The following FAM107B variants were observed in gnomAD, a reference collection of about 807,000 sequenced individuals.
The protein encoded by FAM107B is family with sequence similarity 107 member B.
Under a neutral mutation model 31.5 loss-of-function variants are expected in FAM107B, and 21 were observed. That is an observed-to-expected ratio of 0.67 (90% CI 0.47 to 0.96). FAM107B has a LOEUF of 0.96. FAM107B is among the 40% of genes least tolerant of loss of function. The pLI is 0.00. For synonymous variants in FAM107B, 157 were observed against 141.5 expected, an observed-to-expected ratio of 1.11 and a Z score of -0.78; for missense variants, 452 against 377.1, an observed-to-expected ratio of 1.20 and a Z score of -1.64.
At chr10:14,604,554 G>A (rs1248398082) in intron 2 of FAM107B, 1 of 151,688 alleles carries the variant, frequency 6.6e-6, no homozygotes, top group Non-Finnish European at 1.5e-5. Context: ...GAAAGGCCGG[G>A]CATCCGCGCC....
intron 1 of FAM107B, among the ~76,000 whole-genome samples, chr10:14,765,766 T>C (rs1046619806): frequency 6.6e-6 from 1 of 152,200 alleles, no homozygotes; most frequent in African/African-American, 2.4e-5. Context: ...AGGGCATTTG[T>C]TTTTGTAGGT....
At chr10:14,534,582 C>A (rs1035830216) in intron 2 of FAM107B, among the ~76,000 whole-genome samples, 18 of 152,190 alleles carry the variant, frequency 1.2e-4, no homozygotes, top group African/African-American at 4.3e-4. Context: ...CGCCTTCCCT[C>A]CACCAGCATG....
chr10:14,556,587 A>C (rs1849720412), intron 2 of FAM107B, among the ~76,000 whole-genome samples: 1 of 152,192 alleles, frequency 6.6e-6, no homozygotes, highest in Admixed American at 6.5e-5. Flanking sequence ...CTCACTTGAG[A>C]TCTCCCTGGT....
chr10:14,572,739 T>TTTA lies in FAM107B; in HGVS notation c.470-42225_470-42224insTAA, dbSNP rs1325278545. The stretch of plus-strand genomic sequence containing the variant: ...CATCTCTTCAAAAAAAAAAAAAAAT[T>TTTA]TATATATATATATATATATATTAGA... On this transcript the variant is annotated intron_variant, in intron 2 of 4. Coordinates refer to ENST00000181796, the MANE Select transcript of FAM107B (RefSeq NM_031453.4). 5.3e-4 allele frequency among the ~76,000 whole-genome samples: 49 copies of TTTA among 91,988 alleles called. 1 individual carries two copies. Among genetic ancestry groups the TTTA allele is most frequent in the Admixed American group, 9.8e-4 (8 of 8,176 alleles). 60.3% of individuals were successfully genotyped at this position (91,988 alleles called of 152,430 possible). A position where few individuals can be genotyped will look rare whatever the true frequency, so the allele number is the denominator to read the frequency against.
At chr10:14,673,476 T>C (rs928124650) in intron 1 of FAM107B, among the ~76,000 whole-genome samples, 10 of 152,264 alleles carry the variant, frequency 6.6e-5, no homozygotes, top group African/African-American at 2.4e-4. Flanking sequence ...TTATTCTTTT[T>C]TTAAATGTCT....
intron 1 of FAM107B, among the ~76,000 whole-genome samples, chr10:14,727,384 G>A (rs147101848): frequency 1.9e-3 from 288 of 152,256 alleles, no homozygotes; most frequent in African/African-American, 6.5e-3. Flanking sequence ...CCTGAGCCAC[G>A]TCTCTTAGAT....
rs1851314391 is a variant in FAM107B, at chr10:14,572,739, T to TTATATATATATATATATATGTA, written c.470-42225_470-42224insTACATATATATATATATATATA. On this transcript the variant is annotated intron_variant, in intron 2 of 4. Coordinates refer to ENST00000181796, the MANE Select transcript of FAM107B (RefSeq NM_031453.4). ...CATCTCTTCAAAAAAAAAAAAAAAT[T>TTATATATATATATATATATGTA]TATATATATATATATATATATTAGA... 5.4e-5 allele frequency among the ~76,000 whole-genome samples: 5 copies of TTATATATATATATATATATGTA among 92,004 alleles called. No homozygotes were observed. The South Asian group carries it at 1.1e-3, about 21-fold the overall frequency. The allele number at this position is 92,004 out of a possible 152,430, so 60.4% of individuals were successfully genotyped here.
chr10:14,731,973 A>G (rs957554331), intron 1 of FAM107B, among the ~76,000 whole-genome samples: 14 of 152,140 alleles, frequency 9.2e-5, no homozygotes, highest in African/African-American at 3.4e-4. Flanking sequence ...CCCTGCTTTC[A>G]CCGTTTGCCC....
chr10:14,644,167 C>T (rs959715534), intron 2 of FAM107B, among the ~76,000 whole-genome samples: 1 of 152,144 alleles, frequency 6.6e-6, no homozygotes, highest in Middle Eastern at 3.2e-3. Context: ...AAGAGACCAA[C>T]ATTTATTGAA....
chr10:14,705,023 C>CAAAA (rs57922026), intron 1 of FAM107B, among the ~76,000 whole-genome samples: 4,765 of 87,044 alleles, frequency 0.055, 338 homozygotes, highest in African/African-American at 0.11. Context: ...GACCCTGTCA[C>CAAAA]AAAAAAAAAA....
chr10:14,584,848 C>A (rs1273699734), intron 2 of FAM107B, among the ~76,000 whole-genome samples: 7 of 152,228 alleles, frequency 4.6e-5, no homozygotes, highest in African/African-American at 1.2e-4. Flanking sequence ...CTCTTCCAAC[C>A]AATCAGGCTG....
chr10:14,531,611 G>A (rs1389197327), intron 2 of FAM107B, among the ~76,000 whole-genome samples: 1 of 151,788 alleles, frequency 6.6e-6, no homozygotes, highest in African/African-American at 2.4e-5. Flanking sequence ...GGAGGCTAAG[G>A]TGGCTAGATC....
intron 2 of FAM107B, among the ~76,000 whole-genome samples, chr10:14,648,878 A>G (rs1853831930): frequency 6.6e-6 from 1 of 152,218 alleles, no homozygotes; most frequent in Non-Finnish European, 1.5e-5. Context: ...TATGATAGAG[A>G]TTAAAAAAGA....
At chr10:14,693,564 A>G (rs1048678607) in intron 1 of FAM107B, among the ~76,000 whole-genome samples, 5 of 151,998 alleles carry the variant, frequency 3.3e-5, no homozygotes, top group African/African-American at 1.2e-4. Flanking sequence ...TAACACATCC[A>G]TTACCTCACA....
chr10:14,521,040 C>A lies in FAM107B; in HGVS notation c.*150G>T. On this transcript the variant is annotated 3_prime_UTR_variant, in exon 5 of 5. Transcript: ENST00000181796. ...CAACTGTCACAGGCAAGGCATCCAC[C>A]CAGATCGTAGGAAAATCAAACCAAA... The A allele has an allele frequency of 1.5e-6, 1 of 669,266 alleles. No individual in the cohort carries two copies. Among genetic ancestry groups the A allele is most frequent in the South Asian group, 1.9e-5 (1 of 52,354 alleles). 41.5% of individuals were successfully genotyped at this position (669,266 alleles called of 1,614,324 possible).
rs1564629649 is a variant in FAM107B at position 14,698,781 on chromosome 10, C to T, written c.412-31090G>A. On this transcript the variant is annotated intron_variant, in intron 1 of 4. Coordinates refer to ENST00000181796, the MANE Select transcript of FAM107B (RefSeq NM_031453.4). ...GACAAATTAGAAGACGTTGCCCGGC[C>T]CTCTTTGAGCCTGAGACATAAGCAC... 3.9e-5 allele frequency among the ~76,000 whole-genome samples: 6 copies of T among 152,182 alleles called. No individual in the cohort carries two copies. In the South Asian group the frequency reaches 1.0e-3, roughly 26 times the overall value.
chr10:14,598,485 A>T (rs1195342615), intron 2 of FAM107B, among the ~76,000 whole-genome samples: 1 of 152,208 alleles, frequency 6.6e-6, no homozygotes, highest in Non-Finnish European at 1.5e-5. Context: ...TCTTAGATGA[A>T]GCATCTAAGT....
Position 14,632,304 on chromosome 10 carries a change from CAAAAAAA to C in FAM107B, c.469+35323_469+35329del, listed in dbSNP as rs60289509. 5.3e-5 allele frequency among the ~76,000 whole-genome samples: 3 copies of C among 56,584 alleles called. No individual in the cohort carries two copies. In the Admixed American group the frequency reaches 7.4e-4, roughly 14 times the overall value. The allele number at this position is 56,584 out of a possible 152,430, so 37.1% of individuals were successfully genotyped here. On this transcript the variant is annotated intron_variant, in intron 2 of 4. Coordinates refer to ENST00000181796, the MANE Select transcript of FAM107B (RefSeq NM_031453.4). ...TGGGGGACAGAGCGAGACTCTGTCT[CAAAAAAA>C]AAAAAAAAAAAAAAAAAATGCCGGG...
chr10:14,759,391 G>A (rs990934714), intron 1 of FAM107B, among the ~76,000 whole-genome samples: 1 of 152,004 alleles, frequency 6.6e-6, no homozygotes, highest in African/African-American at 2.4e-5. Flanking sequence ...CCCCTTCTCT[G>A]CCATTCTTTC....
Sources: gnomAD v4.1 joint callset for allele counts (sites outside exome capture counted in the v4.1 genomes callset) on GRCh38, gnomAD v4.1.1 for gene constraint, MANE v1.5 for transcripts, NCBI Gene and HGNC (gene_info 2026-07-23, HGNC 2026-07-21) for gene names.